Variants in CD44 observed in about 807,000 individuals in gnomAD.
CD44 encodes the protein CD44 molecule (IN blood group), also known as CD44 antigen.
CD44 carries 49 observed loss-of-function variants against 88.8 expected under a neutral mutation model. That is an observed-to-expected ratio of 0.55 (90% CI 0.44 to 0.70). The LOEUF (loss-of-function observed/expected upper bound fraction) is 0.70, where lower values mean the gene tolerates loss of function less well. Ranked by LOEUF, CD44 falls within the 30% of genes least tolerant of loss-of-function variation. The pLI is 0.00. For missense variants in CD44, 883 were observed against 913.8 expected (o/e 0.97, Z 0.43); for synonymous variants, 325 against 312.3 (o/e 1.04, Z -0.43).
intron 1 of CD44, among the ~76,000 whole-genome samples, chr11:35,145,433 C>T (rs1298162184): frequency 1.3e-5 from 2 of 152,098 alleles, no homozygotes; most frequent in Non-Finnish European, 2.9e-5. Context: ...TGGCTGACTG[C>T]CCACCACAGG....
At chr11:35,174,709 T>A (rs1944265387) in intron 1 of CD44, among the ~76,000 whole-genome samples, 1 of 152,224 alleles carries the variant, frequency 6.6e-6, no homozygotes, top group Non-Finnish European at 1.5e-5. Flanking sequence ...AGGCTTCATT[T>A]TCAATGCCAT....
intron 12 of CD44, 122 bp from the exon 13 acceptor site, chr11:35,209,843 C>CTGA (rs1261933418): frequency 3.1e-6 from 2 of 636,652 alleles, no homozygotes; most frequent in African/African-American, 3.9e-5. Context: ...TGTGCACAAA[C>CTGA]CTTGGTCTTC....
chr11:35,190,396 AT>A (rs1946152939), intron 5 of CD44: 3 of 322,104 alleles, frequency 9.3e-6, no homozygotes, highest in Admixed American at 9.1e-5. Context: ...AACTGTTTTC[AT>A]TTTTTCATGT....
chr11:35,148,635 A>G (rs945603129), intron 1 of CD44, among the ~76,000 whole-genome samples: 1 of 152,238 alleles, frequency 6.6e-6, no homozygotes, highest in Non-Finnish European at 1.5e-5. Flanking sequence ...TGTAATGGTT[A>G]TCTCTTTTCT....
intron 7 of CD44, among the ~76,000 whole-genome samples, chr11:35,199,900 G>A (rs546602596): frequency 7.0e-6 from 1 of 143,400 alleles, no homozygotes; most frequent in East Asian, 2.0e-4. Context: ...TGAATTGTAT[G>A]GTCAGGCTTC....
At chr11:35,227,884 T>A (rs61142335) in intron 17 of CD44, among the ~76,000 whole-genome samples, 4,305 of 152,328 alleles carry the variant, frequency 0.028, 189 homozygotes, top group African/African-American at 0.097. Context: ...TCATTCTTAC[T>A]TTCTGTGTGA....
At chr11:35,161,790 G>T (rs1379215361) in intron 1 of CD44, among the ~76,000 whole-genome samples, 1 of 152,144 alleles carries the variant, frequency 6.6e-6, no homozygotes, top group Non-Finnish European at 1.5e-5. Flanking sequence ...TGGACTGTGG[G>T]AGGCAAAGAT....
chr11:35,143,440 A>C (rs895569303), intron 1 of CD44, among the ~76,000 whole-genome samples: 1 of 151,286 alleles, frequency 6.6e-6, no homozygotes, highest in African/African-American at 2.4e-5. Flanking sequence ...TACACCTAGC[A>C]CTCTCTTTAA....
chr11:35,195,547 C>G (rs910530725), intron 5 of CD44, among the ~76,000 whole-genome samples: 2 of 151,888 alleles, frequency 1.3e-5, no homozygotes, highest in African/African-American at 4.8e-5. Flanking sequence ...CTTCTTGGTT[C>G]ATTTTTGGGC....
intron 1 of CD44, among the ~76,000 whole-genome samples, chr11:35,146,990 A>G (rs921458648): frequency 4.6e-5 from 7 of 151,898 alleles, no homozygotes; most frequent in African/African-American, 1.7e-4. Flanking sequence ...TAGAAGCTCT[A>G]CTCTCTTCCA....
At chr11:35,142,955 AGGGCAG>A (rs1200109420) in intron 1 of CD44, among the ~76,000 whole-genome samples, 1 of 152,120 alleles carries the variant, frequency 6.6e-6, no homozygotes, top group East Asian at 1.9e-4. Context: ...TTAAGATATT[AGGGCAG>A]GGCATTTCTC....
At chr11:35,144,240 A>C (rs1006329468) in intron 1 of CD44, among the ~76,000 whole-genome samples, 1 of 152,166 alleles carries the variant, frequency 6.6e-6, no homozygotes, top group Non-Finnish European at 1.5e-5. Flanking sequence ...AGTAACTGCA[A>C]TTGTGCTTCC....
At chr11:35,143,082 A>G (rs921175530) in intron 1 of CD44, among the ~76,000 whole-genome samples, 19 of 151,922 alleles carry the variant, frequency 1.3e-4, no homozygotes, top group African/African-American at 4.6e-4. Context: ...CTTAAATACT[A>G]CCTTACAGAC....
At chr11:35,211,936 A>G (rs752287992) in intron 14 of CD44, among the ~76,000 whole-genome samples, 2 of 152,152 alleles carry the variant, frequency 1.3e-5, no homozygotes, top group African/African-American at 2.4e-5. Flanking sequence ...TGTTTTGGTA[A>G]TAGATTGATC....
chr11:35,147,653 T>C (rs1410987654), intron 1 of CD44, among the ~76,000 whole-genome samples: 1 of 151,670 alleles, frequency 6.6e-6, no homozygotes, highest in Non-Finnish European at 1.5e-5. Flanking sequence ...CTCTTTACAC[T>C]TAACAGGTCT....
At chr11:35,228,185 AG>A (rs1949841875) in intron 17 of CD44, among the ~76,000 whole-genome samples, 2 of 152,192 alleles carry the variant, frequency 1.3e-5, no homozygotes. Flanking sequence ...GACAGTAACC[AG>A]GGAAAAGATC....
intron 14 of CD44, among the ~76,000 whole-genome samples, chr11:35,214,400 T>G (rs1244317420): frequency 6.6e-6 from 1 of 152,232 alleles, no homozygotes; most frequent in Admixed American, 6.5e-5. Flanking sequence ...AAATCTCTGT[T>G]TCATGCCCTA....
chr11:35,171,717 G>A (rs1288825631), intron 1 of CD44, among the ~76,000 whole-genome samples: 10 of 152,148 alleles, frequency 6.6e-5, no homozygotes, highest in East Asian at 3.9e-4. Context: ...CTATGATAGC[G>A]GCCATTTAGT....
intron 16 of CD44, 132 bp from the exon 17 acceptor site, chr11:35,221,509 GCCTATTGGCTGGA>G: frequency 1.5e-6 from 1 of 681,388 alleles, no homozygotes; most frequent in Non-Finnish European, 2.7e-6. Context: ...AGAATTACCT[GCCTATTGGCTGGA>G]CCTATTGGCC....
Sources: allele counts gnomAD v4.1 joint callset (sites outside exome capture counted in the v4.1 genomes callset), GRCh38; gene constraint gnomAD v4.1.1; transcripts MANE v1.5; gene names NCBI Gene and HGNC (gene_info 2026-07-23, HGNC 2026-07-21).